Variants in LGSN observed in about 807,000 individuals in gnomAD.
The protein encoded by LGSN is lengsin, lens protein with glutamine synthetase domain, also known as lengsin.
Under a neutral mutation model 19.5 loss-of-function variants are expected in LGSN, and 21 were observed. The ratio of observed to expected loss-of-function variants is 1.07; its 90% CI spans 0.76 to 1.55. The LOEUF is 1.55. Ranked by LOEUF, LGSN falls within the 40% of genes most tolerant of loss-of-function variation. LGSN has a pLI of 0.00. For synonymous variants in LGSN, 257 were observed against 215.6 expected, an observed-to-expected ratio of 1.19 and a Z score of -1.68; for missense variants, 673 against 608.5, an observed-to-expected ratio of 1.11 and a Z score of -1.12.
chr6:63,472,662 C>T, the LGSN span, among the ~76,000 whole-genome samples: 120 of 152,252 alleles, frequency 7.9e-4, 3 homozygotes, highest in South Asian at 0.022. Context: ...CAATTCGGGC[C>T]GGGCGCGGTG....
chr6:63,337,857 T>C, the LGSN span, among the ~76,000 whole-genome samples: 447 of 152,044 alleles, frequency 2.9e-3, 3 homozygotes, highest in African/African-American at 0.01. Flanking sequence ...GATGATTATA[T>C]AAGAACTCTG....
chr6:63,414,168 T>C, the LGSN span, among the ~76,000 whole-genome samples: 1 of 152,202 alleles, frequency 6.6e-6, no homozygotes, highest in African/African-American at 2.4e-5. Context: ...TGTTTTGTTT[T>C]GTTTCAGGAG....
chr6:63,447,977 A>G, the LGSN span, among the ~76,000 whole-genome samples: 2 of 152,184 alleles, frequency 1.3e-5, no homozygotes, highest in South Asian at 2.1e-4. Flanking sequence ...AGTGAATTAT[A>G]TTTGTCAGCA....
the LGSN span, among the ~76,000 whole-genome samples, chr6:63,482,771 G>T: frequency 1.3e-5 from 2 of 152,120 alleles, 1 homozygote; most frequent in South Asian, 4.1e-4. Flanking sequence ...CATTATCTTG[G>T]CTCGCTGCAA....
At chr6:63,394,768 A>G in the LGSN span, among the ~76,000 whole-genome samples, 2 of 152,322 alleles carry the variant, frequency 1.3e-5, no homozygotes, top group South Asian at 4.1e-4. Context: ...ACTGGGGCCC[A>G]ATGCAGCCAC....
At chr6:63,290,272 G>C (rs1310964385) in intron 2 of LGSN, among the ~76,000 whole-genome samples, 2 of 152,198 alleles carry the variant, frequency 1.3e-5, no homozygotes, top group Non-Finnish European at 2.9e-5. Context: ...AGTTGAGTTA[G>C]TAATGGTACC....
the LGSN span, among the ~76,000 whole-genome samples, chr6:63,517,897 C>A: frequency 5.9e-5 from 9 of 151,906 alleles, no homozygotes; most frequent in Non-Finnish European, 1.3e-4. Context: ...CTCACGCCTG[C>A]AATCCCAACA....
At chr6:63,572,585 GC>G in the LGSN span, 1 of 416,082 alleles carries the variant, frequency 2.4e-6, no homozygotes, top group Non-Finnish European at 4.2e-6. Flanking sequence ...GCCGCCGCCT[GC>G]ATCGCCGCCA....
At chr6:63,529,185 A>ATG in the LGSN span, among the ~76,000 whole-genome samples, 205 of 147,056 alleles carry the variant, frequency 1.4e-3, no homozygotes, top group Admixed American at 2.3e-3. Flanking sequence ...ATGTATATAT[A>ATG]TGTGTGTATA....
rs377354902 is a variant in LGSN, at chr6:63,281,062, G to A, written c.489C>T (p.Asp163=). The part of the protein sequence containing the change: ...LSTFRVLPWA[D]RTARVICDTF... The stretch of plus-strand genomic sequence containing the variant: ...TATCACATATCACTCTTGCAGTTCT[G>A]TCAGCCCATGGCAAAACTCTAAAGG... The change falls in exon 4 of 4, where the codon GAC becomes GAT. Residue 163 remains aspartate (D), a synonymous_variant. Transcript: ENST00000370657. 1.2e-5 allele frequency: 20 copies of A among 1,613,770 alleles called. No homozygotes were observed. In the African/African-American group the frequency reaches 2.1e-4, roughly 17 times the overall value.
the LGSN span, among the ~76,000 whole-genome samples, chr6:63,377,209 T>G: frequency 1.3e-5 from 2 of 152,356 alleles, no homozygotes; most frequent in South Asian, 4.1e-4. Context: ...ACCAGCTGGC[T>G]TTTTTAATCT....
At chr6:63,333,992 T>C in the LGSN span, among the ~76,000 whole-genome samples, 1 of 152,242 alleles carries the variant, frequency 6.6e-6, no homozygotes, top group Non-Finnish European at 1.5e-5. Context: ...AAAGGTCATA[T>C]ATAACAAATG....
chr6:63,393,253 T>C, the LGSN span, among the ~76,000 whole-genome samples: 1 of 151,378 alleles, frequency 6.6e-6, no homozygotes. Context: ...CTGCAACCTC[T>C]ATCTCCTGGG....
the LGSN span, among the ~76,000 whole-genome samples, chr6:63,487,958 C>G: frequency 4.7e-5 from 7 of 149,478 alleles, no homozygotes; most frequent in African/African-American, 1.8e-4. Context: ...CCAGCCCGGG[C>G]AACAGAGCAA....
At chr6:63,479,880 A>G in the LGSN span, among the ~76,000 whole-genome samples, 1 of 152,212 alleles carries the variant, frequency 6.6e-6, no homozygotes, top group African/African-American at 2.4e-5. Flanking sequence ...GTCATTTATC[A>G]GCAATTGTTT....
At chr6:63,485,138 T>G in the LGSN span, among the ~76,000 whole-genome samples, 3 of 152,088 alleles carry the variant, frequency 2.0e-5, no homozygotes, top group African/African-American at 7.2e-5. Flanking sequence ...CACCCAGGTA[T>G]TAAGCCTAGT....
the LGSN span, among the ~76,000 whole-genome samples, chr6:63,556,584 G>A: frequency 0.017 from 2,545 of 152,298 alleles, 34 homozygotes; most frequent in Middle Eastern, 0.041. Flanking sequence ...TGCATAATGG[G>A]AGGATGATAC....
the LGSN span, among the ~76,000 whole-genome samples, chr6:63,507,749 C>A: frequency 9.2e-5 from 14 of 152,122 alleles, no homozygotes; most frequent in Middle Eastern, 3.2e-3. Context: ...TAAGCAGAGC[C>A]TGTTTTTGTT....
intron 2 of LGSN, among the ~76,000 whole-genome samples, chr6:63,286,004 AG>A (rs1245918430): frequency 6.6e-6 from 1 of 152,160 alleles, no homozygotes; most frequent in African/African-American, 2.4e-5. Flanking sequence ...TATTTGCATA[AG>A]GATATAGCGA....
Sources: gnomAD v4.1 joint callset for allele counts (sites outside exome capture counted in the v4.1 genomes callset) on GRCh38, gnomAD v4.1.1 for gene constraint, MANE v1.5 for transcripts, NCBI Gene and HGNC (gene_info 2026-07-23, HGNC 2026-07-21) for gene names.